Variants in NSUN2 observed in about 807,000 individuals in gnomAD.
NSUN2 encodes NOP2/Sun RNA methyltransferase 2.
NSUN2 carries 63 observed loss-of-function variants against 92.7 expected under a neutral mutation model. The observed-to-expected ratio is 0.68, with a 90% CI of 0.56 to 0.84. The LOEUF (loss-of-function observed/expected upper bound fraction) is 0.84. NSUN2 is among the 40% of genes least tolerant of loss of function. NSUN2 has a pLI of 0.00. For synonymous variants in NSUN2, 356 were observed against 348.3 expected (o/e 1.02, Z -0.25); for missense variants, 989 against 964.9 (o/e 1.02, Z -0.33).
chr5:6,627,737 C>T (rs1737713857), intron 3 of NSUN2, among the ~76,000 whole-genome samples: 1 of 152,122 alleles, frequency 6.6e-6, no homozygotes, highest in East Asian at 1.9e-4. Flanking sequence ...CAAAGCGAGG[C>T]CCTGTTTCTA....
intron 9 of NSUN2, among the ~76,000 whole-genome samples, chr5:6,614,047 G>T (rs1737108319): frequency 7.2e-6 from 1 of 139,534 alleles, no homozygotes. Flanking sequence ...AGTGAGCCGA[G>T]ATGGCGCCAC....
intron 7 of NSUN2, among the ~76,000 whole-genome samples, chr5:6,619,084 C>A (rs1484083160): frequency 6.6e-6 from 1 of 152,030 alleles, no homozygotes; most frequent in Non-Finnish European, 1.5e-5. Context: ...GAATATGATA[C>A]AAGGAACGAG....
At position 6,617,923 on chromosome 5, in the gene NSUN2, T is replaced by G. The variant is rs201264748; in HGVS notation, c.890+27A>C. 16 of 1,546,196 alleles carry G rather than the reference T, an allele frequency of 1.0e-5. No homozygotes were observed. The Admixed American group carries it at 2.5e-4, about 24-fold the overall frequency. ...CTCTGCTGATCTACTTGTCACACAG[T>G]GTTAGCAGTGATGAAGTTTTACTTA... On this transcript the variant is annotated intron_variant, in intron 8 of 18. Transcript: ENST00000264670.
chr5:6,617,364 T>C (rs1737252040), intron 8 of NSUN2, among the ~76,000 whole-genome samples: 1 of 152,154 alleles, frequency 6.6e-6, no homozygotes, highest in African/African-American at 2.4e-5. Flanking sequence ...ACCATGGCAT[T>C]TGTCATGTCA....
chr5:6,606,713 G>GCTAGAC (rs1313569840), intron 14 of NSUN2, 107 bp downstream of exon 14: 1 of 510,940 alleles, frequency 2.0e-6, no homozygotes, highest in Non-Finnish European at 3.4e-6. Context: ...AAAAAAAAAA[G>GCTAGAC]CTAGACAGAA....
intron 5 of NSUN2, among the ~76,000 whole-genome samples, chr5:6,622,562 G>A (rs1343664468): frequency 6.6e-6 from 1 of 152,060 alleles, no homozygotes; most frequent in Non-Finnish European, 1.5e-5. Context: ...AAAACACAGA[G>A]CAAGGCCAGG....
Position 6,599,897 on chromosome 5 carries a change from G to T in NSUN2, c.*29C>A. ...GAAGAAGCCAGTTTTGCGTGTGAGG[G>T]GTGTGGGCCCCCGCTGCCTTGGGCC... On this transcript the variant is annotated 3_prime_UTR_variant, in exon 19 of 19. Transcript: ENST00000264670. 6.3e-7 allele frequency: 1 copy of T among 1,599,304 alleles called. No homozygotes were observed. Among genetic ancestry groups the T allele is most frequent in the Non-Finnish European group, 8.5e-7 (1 of 1,172,342 alleles).
chr5:6,621,890 G>A, intron 6 of NSUN2, 126 bp downstream of exon 6: 2 of 740,290 alleles, frequency 2.7e-6, no homozygotes, highest in East Asian at 2.6e-5. Flanking sequence ...CCGGTAGACG[G>A]AAAACCCAAC....
At chr5:6,628,497 C>A (rs1302938833) in intron 3 of NSUN2, among the ~76,000 whole-genome samples, 1 of 152,152 alleles carries the variant, frequency 6.6e-6, no homozygotes, top group African/African-American at 2.4e-5. Context: ...GAAACTGGCC[C>A]AAGCTATGGT....
chr5:6,610,646 T>C (rs979801652), intron 11 of NSUN2, among the ~76,000 whole-genome samples: 2 of 148,204 alleles, frequency 1.3e-5, no homozygotes, highest in South Asian at 4.2e-4. Context: ...ATCGAGCTAC[T>C]ACACTCCAGC....
intron 6 of NSUN2, chr5:6,620,514 A>G (rs547932880): frequency 4.9e-6 from 2 of 404,212 alleles, no homozygotes; most frequent in Admixed American, 4.4e-5. Flanking sequence ...GAAAGCCTCA[A>G]AAGTCATCTA....
chr5:6,612,517 T>A (rs1737042358), intron 9 of NSUN2, among the ~76,000 whole-genome samples: 1 of 152,126 alleles, frequency 6.6e-6, no homozygotes. Flanking sequence ...GGTGAGGCCA[T>A]TACAGGAAAC....
chr5:6,623,126 A>G (rs1737521604), intron 5 of NSUN2, 88 bp downstream of exon 5: 4 of 1,096,696 alleles, frequency 3.6e-6, no homozygotes, highest in African/African-American at 1.6e-5. Context: ...GACTAATTAT[A>G]TTAAGAAAAA....
At position 6,632,759 on chromosome 5, in the gene NSUN2, G is replaced by A. The variant is rs1363879197; in HGVS notation, c.97-3C>T. ...TCGGGGTAGCCTCCTTCCCAGCCCTGAGGAAGGAAAGAGACGTCTACCCCG... is the reference window on the plus strand; with the variant it reads ...TCGGGGTAGCCTCCTTCCCAGCCCTAAGGAAGGAAAGAGACGTCTACCCCG... On this transcript the variant is annotated splice_region_variant and splice_polypyrimidine_tract_variant and intron_variant, in intron 1 of 18. Coordinates refer to ENST00000264670, the MANE Select transcript of NSUN2 (RefSeq NM_017755.6). 1 of 1,613,236 alleles carries A rather than the reference G, an allele frequency of 6.2e-7. No homozygotes were observed. The highest frequency in any genetic ancestry group is 8.5e-7 in the Non-Finnish European group (1 of 1,179,548).
chr5:6,602,357 CT>C, intron 18 of NSUN2, 103 bp downstream of exon 18: 2 of 1,149,186 alleles, frequency 1.7e-6, no homozygotes, highest in Non-Finnish European at 2.6e-6. Flanking sequence ...CACAAAAGGC[CT>C]GAAGAAGGTT....
At chr5:6,621,575 C>G (rs373656380) in intron 6 of NSUN2, 1 of 153,882 alleles carries the variant, frequency 6.5e-6, no homozygotes, top group Non-Finnish European at 1.4e-5. Context: ...GGTGAAACCC[C>G]GTCTCTACTA....
chr5:6,613,020 G>A (rs1036007181), intron 9 of NSUN2, among the ~76,000 whole-genome samples: 1 of 152,174 alleles, frequency 6.6e-6, no homozygotes, highest in Non-Finnish European at 1.5e-5. Context: ...CATGCACACC[G>A]CCTCTGACAG....
chr5:6,626,722 G>A (rs1443199557), intron 3 of NSUN2, among the ~76,000 whole-genome samples: 1 of 152,200 alleles, frequency 6.6e-6, no homozygotes, highest in Non-Finnish European at 1.5e-5. Context: ...CTGATGTCAT[G>A]CAGCACCATG....
chr5:6,601,177 CAT>C (rs1736540045), intron 18 of NSUN2, among the ~76,000 whole-genome samples: 2 of 147,706 alleles, frequency 1.4e-5, no homozygotes, highest in Non-Finnish European at 3.0e-5. Context: ...AAAAAAAAAC[CAT>C]TATTCCTGAA....
Sources: allele counts gnomAD v4.1 joint callset (sites outside exome capture counted in the v4.1 genomes callset), GRCh38; gene constraint gnomAD v4.1.1; transcripts MANE v1.5; gene names NCBI Gene and HGNC (gene_info 2026-07-23, HGNC 2026-07-21).